Variants in TASP1 observed in about 807,000 individuals in gnomAD.
TASP1 encodes taspase 1, also known as threonine aspartase 1.
TASP1 carries 16 observed loss-of-function variants against 56.6 expected under a neutral mutation model. The ratio of observed to expected loss-of-function variants is 0.28; its 90% CI spans 0.19 to 0.43. The LOEUF (loss-of-function observed/expected upper bound fraction) is 0.43, where lower values mean the gene tolerates loss of function less well. Ranked by LOEUF, TASP1 falls within the 20% of genes least tolerant of loss-of-function variation. The probability of loss-of-function intolerance (pLI) is 1.00; values close to 1 mark genes in which losing one functional copy is unlikely to be tolerated. For synonymous variants in TASP1, 179 were observed against 184.2 expected (o/e 0.97, Z 0.23); for missense variants, 393 against 511.6 (o/e 0.77, Z 2.24).
rs182038323 is a variant in TASP1, at chr20:13,571,815, C to T, written c.489-2229G>A. Reference sequence around the variant, plus strand: ...CCAGTTCATCTCTTATTGCTCTTACCTCCTTGTGTACTCTACTCATTGTCG... The same window carrying T: ...CCAGTTCATCTCTTATTGCTCTTACTTCCTTGTGTACTCTACTCATTGTCG... On this transcript the variant is annotated intron_variant, in intron 6 of 13. Coordinates refer to ENST00000337743, the MANE Select transcript of TASP1 (RefSeq NM_017714.3). 2.0e-5 allele frequency among the ~76,000 whole-genome samples: 3 copies of T among 152,298 alleles called. No homozygotes were observed. In the East Asian group the frequency reaches 5.8e-4, roughly 29 times the overall value.
the TASP1 span, among the ~76,000 whole-genome samples, chr20:13,307,589 T>C: frequency 6.6e-6 from 1 of 152,202 alleles, no homozygotes; most frequent in African/African-American, 2.4e-5. Context: ...CCCCGTCCAG[T>C]AACGGGCACT....
chr20:13,348,869 G>T, the TASP1 span, among the ~76,000 whole-genome samples: 4 of 152,038 alleles, frequency 2.6e-5, no homozygotes, highest in Non-Finnish European at 4.4e-5. Context: ...TACAGTTCTG[G>T]ATCCACAGCC....
intron 6 of TASP1, among the ~76,000 whole-genome samples, chr20:13,570,706 A>C (rs1215573717): frequency 1.3e-5 from 2 of 152,166 alleles, no homozygotes; most frequent in Non-Finnish European, 2.9e-5. Context: ...TCTACTTTAA[A>C]AAAAAAATTC....
At chr20:13,470,029 G>A (rs372766399) in intron 11 of TASP1, among the ~76,000 whole-genome samples, 4 of 151,428 alleles carry the variant, frequency 2.6e-5, no homozygotes, top group Admixed American at 6.6e-5. Flanking sequence ...GGCTGGTCTC[G>A]AACTCCTGAC....
At chr20:13,355,600 A>T in the TASP1 span, among the ~76,000 whole-genome samples, 34 of 152,336 alleles carry the variant, frequency 2.2e-4, no homozygotes, top group African/African-American at 7.9e-4. Flanking sequence ...TACCCACTAC[A>T]CATGACTGAG....
chr20:13,355,054 A>G, the TASP1 span, among the ~76,000 whole-genome samples: 1 of 152,336 alleles, frequency 6.6e-6, no homozygotes, highest in South Asian at 2.1e-4. Context: ...TTATAATGTT[A>G]GGAAAATAGA....
intron 11 of TASP1, among the ~76,000 whole-genome samples, chr20:13,443,810 C>G (rs2043303231): frequency 6.6e-6 from 1 of 152,112 alleles, no homozygotes; most frequent in Non-Finnish European, 1.5e-5. Flanking sequence ...TTAGAAAAAT[C>G]TAAAGCAGAA....
downstream of TASP1, among the ~76,000 whole-genome samples, chr20:13,385,913 T>C (rs75242155): frequency 0.035 from 5,394 of 152,292 alleles, 115 homozygotes; most frequent in African/African-American, 0.053. Flanking sequence ...AGAGACAGAA[T>C]AGCTTTCCAT....
the TASP1 span, among the ~76,000 whole-genome samples, chr20:13,244,964 T>A: frequency 6.6e-6 from 1 of 151,896 alleles, no homozygotes; most frequent in South Asian, 2.1e-4. Context: ...AAGAAAGGAG[T>A]GGTGGAGAGG....
the TASP1 span, among the ~76,000 whole-genome samples, chr20:13,371,515 A>G: frequency 1.3e-5 from 2 of 152,128 alleles, no homozygotes; most frequent in African/African-American, 4.8e-5. Context: ...CAGAGGACGT[A>G]TATTGTATGA....
intron 11 of TASP1, among the ~76,000 whole-genome samples, chr20:13,481,188 C>T (rs1353066085): frequency 6.6e-6 from 1 of 152,072 alleles, no homozygotes; most frequent in Non-Finnish European, 1.5e-5. Context: ...CTTTCTGTGC[C>T]TGGCTTATTT....
chr20:13,160,129 C>T, the TASP1 span: 4 of 1,613,756 alleles, frequency 2.5e-6, no homozygotes, highest in Non-Finnish European at 2.5e-6. Flanking sequence ...AGATGTTAGA[C>T]ACGGTGAGTA....
the TASP1 span, among the ~76,000 whole-genome samples, chr20:13,182,988 A>C: frequency 6.6e-6 from 1 of 152,218 alleles, no homozygotes; most frequent in Non-Finnish European, 1.5e-5. Context: ...ATGGACTGTA[A>C]CTTTGCCACT....
intron 5 of TASP1, among the ~76,000 whole-genome samples, chr20:13,586,110 G>A (rs1458604154): frequency 6.8e-6 from 1 of 147,836 alleles, no homozygotes; most frequent in East Asian, 2.0e-4. Flanking sequence ...ACTCCAGGCT[G>A]GGTAACAGAA....
chr20:13,172,320 T>C, the TASP1 span, among the ~76,000 whole-genome samples: 1 of 152,080 alleles, frequency 6.6e-6, no homozygotes, highest in Non-Finnish European at 1.5e-5. Flanking sequence ...CCTAAAAAGG[T>C]AAAAGTAATT....
At chr20:13,560,924 T>C (rs989325560) in intron 7 of TASP1, among the ~76,000 whole-genome samples, 1 of 152,124 alleles carries the variant, frequency 6.6e-6, no homozygotes, top group Non-Finnish European at 1.5e-5. Flanking sequence ...CACATTATAA[T>C]CAAATTGTCA....
chr20:13,219,849 T>C, the TASP1 span, among the ~76,000 whole-genome samples: 6 of 152,108 alleles, frequency 3.9e-5, no homozygotes, highest in African/African-American at 9.7e-5. Flanking sequence ...TTTGCCTTAA[T>C]TTGGTTAATA....
chr20:13,250,397 A>AT, the TASP1 span, among the ~76,000 whole-genome samples: 1 of 152,198 alleles, frequency 6.6e-6, no homozygotes, highest in Admixed American at 6.5e-5. Flanking sequence ...AAGACGTGAG[A>AT]ATGAAGTCCT....
chr20:13,507,267 T>A (rs2044166603), intron 10 of TASP1, among the ~76,000 whole-genome samples: 1 of 152,198 alleles, frequency 6.6e-6, no homozygotes, highest in African/African-American at 2.4e-5. Context: ...GAACAGTGGC[T>A]CACTCCTATA....
Sources: allele counts gnomAD v4.1 joint callset (sites outside exome capture counted in the v4.1 genomes callset), GRCh38; gene constraint gnomAD v4.1.1; transcripts MANE v1.5; gene names NCBI Gene and HGNC (gene_info 2026-07-23, HGNC 2026-07-21).